IL3RA: variants seen among roughly 807,000 people sequenced by gnomAD.
The protein encoded by IL3RA is interleukin-3 receptor subunit alpha.
Under a neutral mutation model 52.3 loss-of-function variants are expected in IL3RA, and 73 were observed. The ratio of observed to expected loss-of-function variants is 1.40; its 90% CI spans 1.16 to 1.70. The LOEUF is 1.70. Among genes scored for constraint, IL3RA ranks in the 40% most tolerant of loss-of-function variants. The pLI is 0.00. For synonymous variants in IL3RA, 260 were observed against 194.0 expected (o/e 1.34, Z -2.83); for missense variants, 664 against 504.4 (o/e 1.32, Z -3.03).
Position 1,352,383 on chromosome X carries a change from T to C in IL3RA, c.493T>C (p.Cys165Arg), listed in dbSNP as rs1243534387. The C allele has an allele frequency of 1.2e-6, 2 of 1,613,850 alleles. No homozygotes were observed. The highest frequency in any genetic ancestry group is 1.1e-5 in the South Asian group (1 of 91,076). ...KTDAQGTRIG[C>R]RFDDISRLSS... The stretch of plus-strand genomic sequence containing the variant: ...GGATGCTCAGGGAACACGTATCGGG[T>C]GTCGTTTCGATGACATCTCTCGACT... Residue 165 changes from cysteine (C) to arginine (R), a missense_variant, in exon 6 of 12, where the codon TGT becomes CGT. Cys to Arg is a radical substitution (Grantham distance 180). Coordinates refer to ENST00000331035, the MANE Select transcript of IL3RA (RefSeq NM_002183.4).
At chrX:1,376,672 G>C (rs2088757154) in intron 9 of IL3RA, among the ~76,000 whole-genome samples, 1 of 149,208 alleles carries the variant, frequency 6.7e-6, no homozygotes, top group South Asian at 2.1e-4. Flanking sequence ...GCCCAGGAGA[G>C]AGGCCTCAGG....
intron 4 of IL3RA, among the ~76,000 whole-genome samples, chrX:1,351,362 CTT>C (rs1460811323): frequency 6.6e-6 from 1 of 152,008 alleles, no homozygotes; most frequent in Admixed American, 6.6e-5. Context: ...GAGTCTCGCT[CTT>C]GTCACACAGG....
At chrX:1,337,601 A>C (rs1410319205) in intron 1 of IL3RA, among the ~76,000 whole-genome samples, 30 of 151,488 alleles carry the variant, frequency 2.0e-4, no homozygotes, top group African/African-American at 7.0e-4. Flanking sequence ...CTTTATTCAC[A>C]ATAGCCAAGA....
In IL3RA at chrX:1,352,134, C is replaced by T. The variant is rs781190183; in HGVS notation, c.333C>T (p.Thr111=). 6.8e-6 allele frequency: 11 copies of T among 1,613,826 alleles called. No homozygotes were observed. In the Admixed American group the frequency reaches 1.8e-4, roughly 27 times the overall value. ...GKPWAGAENL[T]CWIHDVDFLS... is the part of the protein sequence containing the mutation. ...CTTGGGCAGGTGCGGAGAATCTGACCTGCTGGATTCATGACGTGGATTTCT... is the reference window on the plus strand; with the variant it reads ...CTTGGGCAGGTGCGGAGAATCTGACTTGCTGGATTCATGACGTGGATTTCT... Residue 111 remains threonine (T), a synonymous_variant, in exon 5 of 12, where the codon ACC becomes ACT. Coordinates refer to ENST00000331035, the MANE Select transcript of IL3RA (RefSeq NM_002183.4).
intron 2 of IL3RA, among the ~76,000 whole-genome samples, chrX:1,343,737 T>C (rs1184759581): frequency 1.3e-5 from 2 of 150,336 alleles, no homozygotes; most frequent in Non-Finnish European, 3.0e-5. Context: ...TATCTTGAGC[T>C]CTGTGATGGC....
intron 9 of IL3RA, among the ~76,000 whole-genome samples, chrX:1,367,302 C>A (rs867279200): frequency 9.4e-4 from 8 of 8,526 alleles, no homozygotes; most frequent in African/African-American, 6.4e-3. Flanking sequence ...GCGCGGGGTG[C>A]GCGGGGTGCG....
At chrX:1,358,099 C>G (rs17880672) in intron 7 of IL3RA, among the ~76,000 whole-genome samples, 1 of 150,338 alleles carries the variant, frequency 6.7e-6, no homozygotes, top group African/African-American at 2.4e-5. Flanking sequence ...AGTGAGACTC[C>G]GTCTCAGGAG....
chrX:1,347,409 C>A (rs1404398454), intron 3 of IL3RA, among the ~76,000 whole-genome samples: 3 of 151,258 alleles, frequency 2.0e-5, no homozygotes, highest in Non-Finnish European at 4.4e-5. Context: ...CGCGCCACTG[C>A]ACTCCAGCCT....
chrX:1,344,201 A>G (rs2085624993), intron 2 of IL3RA, among the ~76,000 whole-genome samples: 2 of 152,070 alleles, frequency 1.3e-5, no homozygotes, highest in African/African-American at 4.8e-5. Flanking sequence ...TGGGAGGCTG[A>G]GGCAGGCAGA....
intron 8 of IL3RA, among the ~76,000 whole-genome samples, chrX:1,361,184 T>C (rs781634051): frequency 3.6e-5 from 3 of 82,370 alleles, no homozygotes; most frequent in African/African-American, 1.8e-4. Context: ...TCCCTTCCCC[T>C]CTCTCTCTCT....
At chrX:1,337,770 G>A (rs1408230909) in intron 1 of IL3RA, among the ~76,000 whole-genome samples, 9 of 139,630 alleles carry the variant, frequency 6.4e-5, no homozygotes, top group Non-Finnish European at 1.2e-4. Flanking sequence ...ATAGACGAAT[G>A]GATAAATATA....
At chrX:1,352,881 A>C (rs1175123702) in intron 6 of IL3RA, among the ~76,000 whole-genome samples, 1 of 43,964 alleles carries the variant, frequency 2.3e-5, no homozygotes. Flanking sequence ...GGGTCATAGA[A>C]TCCCCCATGA....
chrX:1,352,508 T>A lies in IL3RA; in HGVS notation c.616+2T>A. On this transcript the variant is annotated splice_donor_variant, in intron 6 of 11. Transcript: ENST00000331035. LOFTEE classifies it high-confidence loss of function. ...AGTTTGTCGTCTTTTCACAGATTGG[T>A]GAGTAGCCCGGGACACTCCCTCCCA... 6.2e-7 allele frequency: 1 copy of A among 1,612,630 alleles called. No individual in the cohort carries two copies. Among genetic ancestry groups the A allele is most frequent in the South Asian group, 1.1e-5 (1 of 91,026 alleles).
intron 6 of IL3RA, among the ~76,000 whole-genome samples, chrX:1,355,851 C>G (rs1347243091): frequency 6.6e-6 from 1 of 151,962 alleles, no homozygotes; most frequent in Admixed American, 6.6e-5. Context: ...GTGGGCCAGG[C>G]TGCCCAGCGG....
chrX:1,348,692 T>TTCTTTCTCTTTCTTTC, intron 4 of IL3RA, 147 bp downstream of exon 4: 1 of 278,194 alleles, frequency 3.6e-6, no homozygotes, highest in Non-Finnish European at 7.0e-6. Flanking sequence ...CTTTCTTTCT[T>TTCTTTCTCTTTCTTTC]TTTCTTTCTT....
chrX:1,378,606 TG>T, intron 9 of IL3RA, 52 bp from the exon 10 acceptor site: 1 of 1,481,244 alleles, frequency 6.8e-7, no homozygotes, highest in Non-Finnish European at 9.3e-7. Flanking sequence ...TTACAGTCCC[TG>T]GTCCCCCCAG....
In IL3RA at chrX:1,352,740, A is replaced by T. The variant is rs17880563; in HGVS notation, c.616+234A>T. Among the ~76,000 whole-genome samples the T allele has an allele frequency of 0.013, 1,996 of 152,216 alleles. 47 individuals carry two copies. The highest frequency in any genetic ancestry group is 0.046 in the African/African-American group (1,922 of 41,526). The stretch of plus-strand genomic sequence containing the variant: ...GTGTCTTCACGTGGTGTAGAGAGAG[A>T]GAGAGATGAAGTTCTGGGGTCTCTT... On this transcript the variant is annotated intron_variant, in intron 6 of 11. Coordinates refer to ENST00000331035, the MANE Select transcript of IL3RA (RefSeq NM_002183.4).
In IL3RA at chrX:1,365,251, C is replaced by T; in HGVS notation, c.873C>T (p.Phe291=). ...GCGCCTGGAGCACCCCCCAGCGCTT[C>T]GGTGAGTGGGCTGTGCGGGGTGCGC... ...FLSAWSTPQR[F]ECDQEEGANT... The change falls in exon 9 of 12, where the codon TTC becomes TTT. Residue 291 remains phenylalanine (F), a splice_region_variant and synonymous_variant. Coordinates refer to ENST00000331035, the MANE Select transcript of IL3RA (RefSeq NM_002183.4). The T allele has an allele frequency of 2.0e-6, 3 of 1,475,528 alleles. No homozygotes were observed. Among genetic ancestry groups the T allele is most frequent in the East Asian group, 2.8e-5 (1 of 35,822 alleles). 91.4% of individuals were successfully genotyped at this position (1,475,528 alleles called of 1,614,324 possible). A position where few individuals can be genotyped will look rare whatever the true frequency, so the allele number is the denominator to read the frequency against.
rs1432178506 is a variant in IL3RA at position 1,336,876 on chromosome X, T to C, written c.-89T>C. 6.6e-6 allele frequency: 1 copy of C among 152,230 alleles called. No homozygotes were observed. The highest frequency in any genetic ancestry group is 1.5e-5 in the Non-Finnish European group (1 of 68,060). The allele number at this position is 152,230 out of a possible 1,614,324, so 9.4% of individuals were successfully genotyped here. A position where few individuals can be genotyped will look rare whatever the true frequency, so the allele number is the denominator to read the frequency against. On this transcript the variant is annotated 5_prime_UTR_variant, in exon 1 of 12. Transcript: ENST00000331035. ...TCAGGACACCCCAGATCTTCTCAAC[T>C]GGAACCACGAAGGCTGTTTCTTCCA...
Sources: gnomAD v4.1 joint callset for allele counts (sites outside exome capture counted in the v4.1 genomes callset) on GRCh38, gnomAD v4.1.1 for gene constraint, MANE v1.5 for transcripts, NCBI Gene and HGNC (gene_info 2026-07-23, HGNC 2026-07-21) for gene names.